The following ETFA variants were observed in gnomAD, a reference collection of about 807,000 sequenced individuals.
The protein encoded by ETFA is electron transfer flavoprotein subunit alpha, also known as electron transfer flavoprotein subunit alpha, mitochondrial.
Under a neutral mutation model 46.2 loss-of-function variants are expected in ETFA, and 22 were observed. That is an observed-to-expected ratio of 0.48 (90% CI 0.34 to 0.68). The LOEUF (loss-of-function observed/expected upper bound fraction) is 0.68. Ranked by LOEUF, ETFA falls within the 30% of genes least tolerant of loss-of-function variation. The probability of loss-of-function intolerance (pLI) is 0.01; values close to 1 mark genes in which losing one functional copy is unlikely to be tolerated. For synonymous variants in ETFA, 131 were observed against 139.9 expected (o/e 0.94, Z 0.45); for missense variants, 345 against 401.1 (o/e 0.86, Z 1.19).
intron 9 of ETFA, among the ~76,000 whole-genome samples, chr15:76,257,933 A>ACC (rs2039361694): frequency 1.4e-5 from 2 of 148,084 alleles, no homozygotes; most frequent in Non-Finnish European, 3.0e-5. Flanking sequence ...AAAACCAAAC[A>ACC]ACGCATGTTC....
chr15:76,242,373 A>G (rs573016533), intron 9 of ETFA, among the ~76,000 whole-genome samples: 1 of 152,324 alleles, frequency 6.6e-6, no homozygotes, highest in East Asian at 1.9e-4. Flanking sequence ...TCCTTTCCCA[A>G]ATCACTAAGA....
At chr15:76,281,897 CTTTTTTTTTT>C (rs34309169) in intron 8 of ETFA, among the ~76,000 whole-genome samples, 6 of 78,102 alleles carry the variant, frequency 7.7e-5, no homozygotes, top group Non-Finnish European at 1.1e-4. Context: ...TACACGTATC[CTTTTTTTTTT>C]TTTTTTTTTT....
chr15:76,248,581 A>G (rs111962717), intron 9 of ETFA, among the ~76,000 whole-genome samples: 71 of 152,330 alleles, frequency 4.7e-4, no homozygotes, highest in African/African-American at 1.6e-3. Context: ...ATTATTTTTT[A>G]AAATGGAAAA....
intron 9 of ETFA, among the ~76,000 whole-genome samples, chr15:76,245,844 T>A (rs897768200): frequency 6.6e-6 from 1 of 152,108 alleles, no homozygotes; most frequent in African/African-American, 2.4e-5. Context: ...AATCTAGAAA[T>A]AAGTATTAAA....
intron 9 of ETFA, among the ~76,000 whole-genome samples, chr15:76,234,968 G>C (rs1296262306): frequency 6.6e-6 from 1 of 152,176 alleles, no homozygotes; most frequent in Non-Finnish European, 1.5e-5. Flanking sequence ...AGAAACTGTT[G>C]CATCTGATGC....
In ETFA at chr15:76,295,654, A is replaced by G; in HGVS notation, c.123T>C (p.Ile41=). ...CACCTCCAAGGCGTGTGGCTGCAGT[A>G]ATGGTATTTAAAGTAATGGGTGCTA... ...DSLAPITLNT[I]TAATRLGGEV... The change falls in exon 2 of 12, where the codon ATT becomes ATC. Residue 41 remains isoleucine (I), a synonymous_variant. Coordinates refer to ENST00000557943, the MANE Select transcript of ETFA (RefSeq NM_000126.4). The G allele has an allele frequency of 1.2e-6, 2 of 1,613,570 alleles. No individual in the cohort carries two copies. Among genetic ancestry groups the G allele is most frequent in the South Asian group, 1.1e-5 (1 of 91,054 alleles).
rs146852641 is a variant in ETFA at position 76,285,911 on chromosome 15, A to G, written c.563-173T>C. Among the ~76,000 whole-genome samples, 195 of 152,358 alleles carry G rather than the reference A, an allele frequency of 1.3e-3. 2 individuals are homozygous for G. Among genetic ancestry groups the G allele is most frequent in the African/African-American group, 4.2e-3 (175 of 41,594 alleles). ...GATAATGGAAAGACTTAAGGAGACT[A>G]GATTCCAGCCTTTGCCACATTAGCT... On this transcript the variant is annotated intron_variant, in intron 6 of 11. Coordinates refer to ENST00000557943, the MANE Select transcript of ETFA (RefSeq NM_000126.4).
Position 76,260,993 on chromosome 15 carries a change from G to A in ETFA, c.816+13419C>T, listed in dbSNP as rs575853085. 568 of 1,608,756 alleles carry A rather than the reference G, an allele frequency of 3.5e-4. No homozygotes were observed. In the East Asian group the frequency reaches 4.2e-3, roughly 12 times the overall value. On this transcript the variant is annotated intron_variant, in intron 9 of 11. Transcript: ENST00000557943. ...GCATCCAGGCCACACTAGTGTTGCC[G>A]CTGGAAAGCTTTGTCACGGTGATGT... is the stretch of plus-strand genomic sequence containing the variant.
rs369728823 is a variant in ETFA at position 76,292,551 on chromosome 15, A to G, written c.269-38T>C. 75 of 1,593,884 alleles carry G rather than the reference A, an allele frequency of 4.7e-5. No individual in the cohort carries two copies. In the Middle Eastern group the frequency reaches 6.6e-4, roughly 14 times the overall value. ...CACATTTGATAAAAAAATATTTTGAAATACTTTCATATTCATATATTCAAG... is the reference window on the plus strand; with the variant it reads ...CACATTTGATAAAAAAATATTTTGAGATACTTTCATATTCATATATTCAAG... On this transcript the variant is annotated intron_variant, in intron 3 of 11. Coordinates refer to ENST00000557943, the MANE Select transcript of ETFA (RefSeq NM_000126.4).
intron 9 of ETFA, among the ~76,000 whole-genome samples, chr15:76,269,623 T>C (rs981461262): frequency 6.6e-6 from 1 of 152,212 alleles, no homozygotes; most frequent in Admixed American, 6.5e-5. Flanking sequence ...CTCATTCCTT[T>C]GACTCCTCCG....
chr15:76,262,650 T>C (rs2938697), intron 9 of ETFA, among the ~76,000 whole-genome samples: 95,086 of 151,484 alleles, frequency 0.63, 30,780 homozygotes, highest in Middle Eastern at 0.74. Flanking sequence ...GCCCGGCTAA[T>C]TTTTTGTATT....
At chr15:76,267,848 A>G (rs1377750689) in intron 9 of ETFA, among the ~76,000 whole-genome samples, 1 of 152,218 alleles carries the variant, frequency 6.6e-6, no homozygotes, top group African/African-American at 2.4e-5. Flanking sequence ...AAAAGCTGGG[A>G]AAAAGGAAAG....
At chr15:76,232,335 T>A (rs1329710399) in intron 9 of ETFA, among the ~76,000 whole-genome samples, 1 of 152,218 alleles carries the variant, frequency 6.6e-6, no homozygotes, top group Non-Finnish European at 1.5e-5. Context: ...CAGGTATGAT[T>A]AAAGCTTCAC....
chr15:76,284,157 A>G (rs1048135289), intron 7 of ETFA, among the ~76,000 whole-genome samples: 4 of 152,256 alleles, frequency 2.6e-5, no homozygotes, highest in African/African-American at 9.6e-5. Flanking sequence ...TAGATGCTCA[A>G]TAAATTTCTC....
intron 2 of ETFA, among the ~76,000 whole-genome samples, chr15:76,294,699 A>T (rs1171835340): frequency 6.6e-6 from 1 of 152,100 alleles, no homozygotes; most frequent in Admixed American, 6.6e-5. Context: ...ACAGGCATGC[A>T]TCACCACACT....
chr15:76,249,554 G>A (rs2039277499), intron 9 of ETFA, among the ~76,000 whole-genome samples: 1 of 148,528 alleles, frequency 6.7e-6, no homozygotes, highest in African/African-American at 2.5e-5. Flanking sequence ...CCATTCTCCT[G>A]CCTCAGCCTC....
At chr15:76,246,310 C>T (rs1211699720) in intron 9 of ETFA, among the ~76,000 whole-genome samples, 2 of 152,192 alleles carry the variant, frequency 1.3e-5, no homozygotes, top group East Asian at 3.9e-4. Context: ...CAAGTGGCAA[C>T]ACCAAGGGCT....
intron 9 of ETFA, among the ~76,000 whole-genome samples, chr15:76,272,728 T>C (rs2039550360): frequency 6.6e-6 from 1 of 151,546 alleles, no homozygotes; most frequent in African/African-American, 2.4e-5. Context: ...AGTTAGAGGC[T>C]GTGGTGTGTT....
chr15:76,295,815 A>G (rs2039813426), intron 1 of ETFA, 78 bp from the exon 2 acceptor site: 1 of 1,126,424 alleles, frequency 8.9e-7, no homozygotes. Flanking sequence ...CTAATTGTTA[A>G]GCATGTATGC....
Sources: allele counts gnomAD v4.1 joint callset (sites outside exome capture counted in the v4.1 genomes callset), GRCh38; gene constraint gnomAD v4.1.1; transcripts MANE v1.5; gene names NCBI Gene and HGNC (gene_info 2026-07-23, HGNC 2026-07-21).